The following NDUFAF5 variants were observed in gnomAD, a reference collection of about 807,000 sequenced individuals.
NDUFAF5 encodes arginine-hydroxylase NDUFAF5, mitochondrial.
A neutral mutation model predicts 48.9 loss-of-function variants in NDUFAF5; 34 were observed. The observed-to-expected ratio is 0.70, with a 90% CI of 0.53 to 0.93. The LOEUF is 0.93. Ranked by LOEUF, NDUFAF5 falls within the 40% of genes least tolerant of loss-of-function variation. The pLI is 0.00. For synonymous variants in NDUFAF5, 153 were observed against 150.6 expected, an observed-to-expected ratio of 1.02 and a Z score of -0.12; for missense variants, 428 against 427.5, an observed-to-expected ratio of 1.00 and a Z score of -0.01.
chr20:13,812,159 C>T (rs1985946696), intron 8 of NDUFAF5, among the ~76,000 whole-genome samples: 5 of 152,180 alleles, frequency 3.3e-5, no homozygotes, highest in Admixed American at 3.3e-4. Context: ...CTTGTGTTGC[C>T]CATCTGTAAC....
At chr20:13,791,822 A>T (rs879378671) in intron 3 of NDUFAF5, among the ~76,000 whole-genome samples, 4 of 152,170 alleles carry the variant, frequency 2.6e-5, no homozygotes, top group African/African-American at 9.7e-5. Flanking sequence ...CCTGTAGTCT[A>T]TCCATAGTAG....
chr20:13,797,212 A>G (rs1271705938), intron 5 of NDUFAF5, among the ~76,000 whole-genome samples: 1 of 152,222 alleles, frequency 6.6e-6, no homozygotes, highest in East Asian at 1.9e-4. Flanking sequence ...ACATACTCTT[A>G]GCGTACGATC....
intron 8 of NDUFAF5, chr20:13,814,294 C>A: frequency 2.4e-6 from 1 of 422,612 alleles, no homozygotes; most frequent in Non-Finnish European, 4.5e-6. Flanking sequence ...TTCAGGTGTG[C>A]CATTCTGCTG....
intron 8 of NDUFAF5, among the ~76,000 whole-genome samples, chr20:13,811,257 G>T (rs1055313275): frequency 6.6e-6 from 1 of 152,152 alleles, no homozygotes; most frequent in African/African-American, 2.4e-5. Flanking sequence ...CACGGTTGAA[G>T]TTCCTGAACA....
At chr20:13,809,432 T>G (rs1202470292) in intron 8 of NDUFAF5, among the ~76,000 whole-genome samples, 2 of 151,792 alleles carry the variant, frequency 1.3e-5, no homozygotes, top group Non-Finnish European at 2.9e-5. Context: ...GTAGACAGAG[T>G]AGGCAAGTGA....
chr20:13,811,748 T>C (rs903424912), intron 8 of NDUFAF5, among the ~76,000 whole-genome samples: 5 of 152,178 alleles, frequency 3.3e-5, no homozygotes, highest in African/African-American at 1.2e-4. Flanking sequence ...AGAAGCAGTT[T>C]CCTTAAAAGA....
At chr20:13,808,096 GTTCTA>G (rs769762751) in intron 7 of NDUFAF5, among the ~76,000 whole-genome samples, 3 of 152,128 alleles carry the variant, frequency 2.0e-5, no homozygotes, top group Non-Finnish European at 4.4e-5. Flanking sequence ...CTGGCCCTGT[GTTCTA>G]TAATCTGGCC....
chr20:13,818,249 C>T lies in NDUFAF5; in HGVS notation c.*1039C>T. 1 of 453,964 alleles carries T rather than the reference C, an allele frequency of 2.2e-6. No individual in the cohort carries two copies. Among genetic ancestry groups the T allele is most frequent in the South Asian group, 1.6e-5 (1 of 64,444 alleles). The allele number at this position is 453,964 out of a possible 1,614,324, so 28.1% of individuals were successfully genotyped here. A position where few individuals can be genotyped will look rare whatever the true frequency, so the allele number is the denominator to read the frequency against. ...AGTAGATATTCAGTTACATTTTGAA[C>T]TAATTATATAACAAACTTGCCCTTT... On this transcript the variant is annotated 3_prime_UTR_variant, in exon 11 of 11. Transcript: ENST00000378106.
intron 5 of NDUFAF5, among the ~76,000 whole-genome samples, chr20:13,796,372 G>A (rs1023951099): frequency 1.3e-5 from 2 of 152,160 alleles, no homozygotes; most frequent in Non-Finnish European, 1.5e-5. Context: ...CAGAACCTGA[G>A]TTTTTATGTT....
At chr20:13,805,944 A>T (rs958814958) in intron 7 of NDUFAF5, among the ~76,000 whole-genome samples, 2 of 152,008 alleles carry the variant, frequency 1.3e-5, no homozygotes, top group African/African-American at 4.8e-5. Flanking sequence ...AATAATAATA[A>T]TATGTGTTCT....
At chr20:13,791,757 G>A (rs1032038083) in intron 3 of NDUFAF5, among the ~76,000 whole-genome samples, 10 of 152,146 alleles carry the variant, frequency 6.6e-5, no homozygotes, top group African/African-American at 2.2e-4. Context: ...CCTCCTGTTC[G>A]CATGCACTCT....
At chr20:13,787,039 A>G (rs1005253135) in intron 1 of NDUFAF5, 9 of 490,940 alleles carry the variant, frequency 1.8e-5, no homozygotes, top group African/African-American at 1.6e-4. Flanking sequence ...CTTATGTCAC[A>G]TGGAATGTAA....
intron 3 of NDUFAF5, among the ~76,000 whole-genome samples, chr20:13,792,643 T>G (rs1487137675): frequency 6.6e-6 from 1 of 151,890 alleles, no homozygotes; most frequent in Non-Finnish European, 1.5e-5. Context: ...TAAAGATTGA[T>G]AGAGATGGAG....
At position 13,817,683 on chromosome 20, in the gene NDUFAF5, T is replaced by G. The variant is rs1395170658; in HGVS notation, c.*473T>G. ...TTAAAGCATCTGAATTTAACCTTAT[T>G]TCTTTTTTATCTCCATGGTGTGGGT... is the stretch of plus-strand genomic sequence containing the variant. On this transcript the variant is annotated 3_prime_UTR_variant, in exon 11 of 11. Transcript: ENST00000378106. 3 of 454,054 alleles carry G rather than the reference T, an allele frequency of 6.6e-6. No individual in the cohort carries two copies. Among genetic ancestry groups the G allele is most frequent in the Non-Finnish European group, 1.3e-5 (3 of 226,844 alleles). 28.1% of individuals were successfully genotyped at this position (454,054 alleles called of 1,614,324 possible). A position where few individuals can be genotyped will look rare whatever the true frequency, so the allele number is the denominator to read the frequency against.
At position 13,817,854 on chromosome 20, in the gene NDUFAF5, A is replaced by G. The variant is rs1299623631; in HGVS notation, c.*644A>G. ...TCCTTTGTAATTTCAGGGCTTAAGC[A>G]CTATTATCCTAATCCAAGTTCACAG... On this transcript the variant is annotated 3_prime_UTR_variant, in exon 11 of 11. Coordinates refer to ENST00000378106, the MANE Select transcript of NDUFAF5 (RefSeq NM_024120.5). The G allele has an allele frequency of 2.2e-6, 1 of 454,026 alleles. No individual in the cohort carries two copies. Among genetic ancestry groups the G allele is most frequent in the Non-Finnish European group, 4.4e-6 (1 of 226,810 alleles). The allele number at this position is 454,026 out of a possible 1,614,324, so 28.1% of individuals were successfully genotyped here.
At chr20:13,807,264 T>C (rs1284771036) in intron 7 of NDUFAF5, among the ~76,000 whole-genome samples, 1 of 152,056 alleles carries the variant, frequency 6.6e-6, no homozygotes, top group African/African-American at 2.4e-5. Flanking sequence ...GCCAGAATGG[T>C]CTCGATCTCC....
chr20:13,793,316 C>A, intron 4 of NDUFAF5, 89 bp downstream of exon 4: 2 of 1,182,892 alleles, frequency 1.7e-6, no homozygotes, highest in Non-Finnish European at 2.5e-6. Flanking sequence ...TTCAAACTAG[C>A]TTTCTTTTCT....
chr20:13,801,491 T>C lies in NDUFAF5; in HGVS notation c.525T>C (p.His175=). 6.2e-7 allele frequency: 1 copy of C among 1,603,792 alleles called. No homozygotes were observed. Among genetic ancestry groups the C allele is most frequent in the South Asian group, 1.1e-5 (1 of 90,094 alleles). The stretch of plus-strand genomic sequence containing the variant: ...TTTTCTTGTATTTATTACAGATTCA[T>C]TATATTTTAAAACCAGATGGAGTGT... ...NDLPRALEQI[H]YILKPDGVFI... is the part of the protein sequence containing the mutation. Residue 175 remains histidine, a synonymous_variant, in exon 7 of 11, where the codon CAT becomes CAC. Transcript: ENST00000378106.
chr20:13,785,119 G>A lies in NDUFAF5; in HGVS notation c.51G>A (p.Ala17=). The A allele has an allele frequency of 6.2e-7, 1 of 1,613,754 alleles. No individual in the cohort carries two copies. The highest frequency in any genetic ancestry group is 8.5e-7 in the Non-Finnish European group (1 of 1,179,952). ...GCTTATGTCGGCGACCTTGGGCGGCGAGGGTCCCAGCGGAGAATCTTGGCC... is the reference window on the plus strand; with the variant it reads ...GCTTATGTCGGCGACCTTGGGCGGCAAGGGTCCCAGCGGAGAATCTTGGCC... ...LWRLCRRPWA[A]RVPAENLGRR... The change falls in exon 1 of 11, where the codon GCG becomes GCA. Residue 17 remains alanine, a synonymous_variant. Transcript: ENST00000378106.
Sources: allele counts gnomAD v4.1 joint callset (sites outside exome capture counted in the v4.1 genomes callset), GRCh38; gene constraint gnomAD v4.1.1; transcripts MANE v1.5; gene names NCBI Gene and HGNC (gene_info 2026-07-23, HGNC 2026-07-21).